The following CWF19L2 variants were observed in gnomAD, a reference collection of about 807,000 sequenced individuals.
CWF19L2 encodes CWF19 like cell cycle control factor 2, also known as CWF19-like protein 2.
CWF19L2 carries 98 observed loss-of-function variants against 111.7 expected under a neutral mutation model. The observed-to-expected ratio is 0.88, with a 90% CI of 0.75 to 1.04. The LOEUF is 1.04. CWF19L2 is among the 50% of genes least tolerant of loss of function. CWF19L2 has a pLI of 0.00. For missense variants in CWF19L2, 1,101 were observed against 1,051.4 expected (o/e 1.05, Z -0.65); for synonymous variants, 351 against 342.9 (o/e 1.02, Z -0.26).
At chr11:107,398,891 A>G (rs1233353832) in intron 10 of CWF19L2, among the ~76,000 whole-genome samples, 1 of 152,182 alleles carries the variant, frequency 6.6e-6, no homozygotes, top group Non-Finnish European at 1.5e-5. Flanking sequence ...AGCCTCCTCA[A>G]ACAAAACATT....
At chr11:107,337,117 G>T (rs1280093722) in intron 14 of CWF19L2, among the ~76,000 whole-genome samples, 2 of 152,180 alleles carry the variant, frequency 1.3e-5, no homozygotes, top group African/African-American at 2.4e-5. Flanking sequence ...AAATACATGA[G>T]AATTCACTTC....
intron 14 of CWF19L2, 51 bp downstream of exon 14, chr11:107,348,886 C>T (rs551085415): frequency 1.9e-5 from 20 of 1,048,220 alleles, no homozygotes; most frequent in South Asian, 1.9e-4. Flanking sequence ...CAATAATTTA[C>T]AAAAATTGCT....
intron 15 of CWF19L2, 52 bp from the exon 16 acceptor site, chr11:107,335,013 A>G: frequency 8.9e-7 from 1 of 1,126,848 alleles, no homozygotes; most frequent in Non-Finnish European, 1.3e-6. Flanking sequence ...GTAAATAAAA[A>G]GAAACAGCTT....
chr11:107,344,825 T>C (rs1860054588), intron 14 of CWF19L2, among the ~76,000 whole-genome samples: 1 of 152,180 alleles, frequency 6.6e-6, no homozygotes, highest in Non-Finnish European at 1.5e-5. Flanking sequence ...AAATTTTTTG[T>C]TTTATATGGC....
chr11:107,370,468 GAATT>G (rs1222398084), intron 12 of CWF19L2, among the ~76,000 whole-genome samples: 2 of 131,316 alleles, frequency 1.5e-5, no homozygotes, highest in Non-Finnish European at 3.2e-5. Context: ...AAAGATTTGA[GAATT>G]AAAACTAACA....
At chr11:107,392,658 C>A in intron 11 of CWF19L2, 121 bp downstream of exon 11, 1 of 562,248 alleles carries the variant, frequency 1.8e-6, no homozygotes, top group Non-Finnish European at 3.1e-6. Context: ...TCATTTCCTA[C>A]CTTCCAATAT....
intron 12 of CWF19L2, among the ~76,000 whole-genome samples, chr11:107,360,417 A>T (rs767431930): frequency 2.6e-5 from 4 of 152,226 alleles, no homozygotes; most frequent in Non-Finnish European, 4.4e-5. Flanking sequence ...CATTATCTTT[A>T]ATCTTGTGAA....
chr11:107,423,092 G>A (rs1025266856), intron 8 of CWF19L2, among the ~76,000 whole-genome samples: 6 of 151,916 alleles, frequency 3.9e-5, no homozygotes, highest in African/African-American at 1.2e-4. Flanking sequence ...ATATGCATCC[G>A]TGGGCTGAGT....
At chr11:107,383,520 T>C (rs572896969) in intron 12 of CWF19L2, among the ~76,000 whole-genome samples, 3 of 152,248 alleles carry the variant, frequency 2.0e-5, no homozygotes, top group South Asian at 4.2e-4. Context: ...ATTAATTATG[T>C]AGTACATATT....
intron 14 of CWF19L2, among the ~76,000 whole-genome samples, chr11:107,340,431 A>C (rs551168): frequency 0.83 from 125,678 of 152,162 alleles, 52,455 homozygotes; most frequent in African/African-American, 0.95. Context: ...TATCCCTTTT[A>C]CACTGAATTG....
At chr11:107,422,210 A>G (rs1202197177) in intron 8 of CWF19L2, among the ~76,000 whole-genome samples, 1 of 152,062 alleles carries the variant, frequency 6.6e-6, no homozygotes, top group Non-Finnish European at 1.5e-5. Context: ...AGGTCCACTT[A>G]TACACAGATT....
intron 16 of CWF19L2, among the ~76,000 whole-genome samples, chr11:107,333,623 T>C (rs2134521370): frequency 6.6e-6 from 1 of 152,358 alleles, no homozygotes; most frequent in Middle Eastern, 3.4e-3. Flanking sequence ...TGTTTTACTT[T>C]GTTTTTTAAT....
At chr11:107,372,233 G>C (rs1046553446) in intron 12 of CWF19L2, among the ~76,000 whole-genome samples, 2 of 136,134 alleles carry the variant, frequency 1.5e-5, no homozygotes, top group African/African-American at 3.0e-5. Flanking sequence ...TCAAGTTATA[G>C]CTGTGATGGC....
Position 107,441,549 on chromosome 11 carries a change from T to C in CWF19L2, c.524A>G (p.Glu175Gly), listed in dbSNP as rs1861618499. ...VSSSSLKAEK[E>G]TMRKIEQEKN... ...CTCTTGCTCTATTTTCCTCATAGTT[T>C]CCTTTTCAGCTTTGAGTGATGATGA... Residue 175 changes from glutamate (E) to glycine (G), a missense_variant, in exon 5 of 18, where the codon GAA becomes GGA. Physicochemically the swap from Glu to Gly is moderately conservative, Grantham distance 98. Coordinates refer to ENST00000282251, the MANE Select transcript of CWF19L2 (RefSeq NM_152434.3). 3 of 1,552,596 alleles carry C rather than the reference T, an allele frequency of 1.9e-6. No homozygotes were observed. Among genetic ancestry groups the C allele is most frequent in the Middle Eastern group, 1.7e-4 (1 of 5,966 alleles).
intron 1 of CWF19L2, 45 bp from the exon 2 acceptor site, chr11:107,455,821 C>A: frequency 2.5e-6 from 3 of 1,195,308 alleles, no homozygotes; most frequent in Admixed American, 2.5e-5. Context: ...ATTGACCCAA[C>A]TGGGTTTCAC....
At chr11:107,357,679 TC>T (rs1860258512) in intron 12 of CWF19L2, among the ~76,000 whole-genome samples, 1 of 152,218 alleles carries the variant, frequency 6.6e-6, no homozygotes, top group Non-Finnish European at 1.5e-5. Context: ...AACAATTAAT[TC>T]CCTCCTCCTG....
At chr11:107,329,325 ATGCTAATATC>A (rs58418985) in intron 17 of CWF19L2, among the ~76,000 whole-genome samples, 1,888 of 152,320 alleles carry the variant, frequency 0.012, 21 homozygotes, top group South Asian at 0.039. Context: ...AAAGATCTGT[ATGCTAATATC>A]TGCCCAGAAA....
intron 12 of CWF19L2, among the ~76,000 whole-genome samples, chr11:107,373,284 C>T (rs1860542765): frequency 7.8e-6 from 1 of 127,564 alleles, no homozygotes; most frequent in Non-Finnish European, 1.6e-5. Flanking sequence ...TCAAGGAGGA[C>T]TGCCTGCCTC....
At chr11:107,380,348 T>A (rs536421043) in intron 12 of CWF19L2, among the ~76,000 whole-genome samples, 1 of 152,180 alleles carries the variant, frequency 6.6e-6, no homozygotes, top group Non-Finnish European at 1.5e-5. Context: ...GATGAATTCA[T>A]TGATTAAATA....
Sources: allele counts gnomAD v4.1 joint callset (sites outside exome capture counted in the v4.1 genomes callset), GRCh38; gene constraint gnomAD v4.1.1; transcripts MANE v1.5; gene names NCBI Gene and HGNC (gene_info 2026-07-23, HGNC 2026-07-21).